SEC24A: variants seen among roughly 807,000 people sequenced by gnomAD.
The protein encoded by SEC24A is SEC24 homolog A, COPII component, also known as protein transport protein Sec24A.
SEC24A carries 93 observed loss-of-function variants against 129.4 expected under a neutral mutation model. The observed-to-expected ratio is 0.72, with a 90% CI of 0.61 to 0.85. The LOEUF is 0.85. Among genes scored for constraint, SEC24A ranks in the 40% least tolerant of loss-of-function variants. SEC24A has a pLI of 0.00. For missense variants in SEC24A, 1,264 were observed against 1,307.4 expected, an observed-to-expected ratio of 0.97 and a Z score of 0.51; for synonymous variants, 460 against 467.3, an observed-to-expected ratio of 0.98 and a Z score of 0.20.
At chr5:134,685,212 A>C (rs1225846491) in intron 9 of SEC24A, among the ~76,000 whole-genome samples, 5 of 152,026 alleles carry the variant, frequency 3.3e-5, no homozygotes, top group Non-Finnish European at 7.4e-5. Flanking sequence ...CTCTGCAAAA[A>C]ATTTCAGGAA....
rs531435987 is a variant in SEC24A, at chr5:134,667,680, A to C, written c.739+684A>C. Among the ~76,000 whole-genome samples the C allele has an allele frequency of 3.1e-3, 469 of 151,722 alleles. 4 individuals are homozygous for C. Among genetic ancestry groups the C allele is most frequent in the African/African-American group, 0.011 (444 of 41,402 alleles). ...AAAAAAAAAAAAAACAAAAAAAAAAAAACAAGATATATTTTGATTGCCACT... is the reference window on the plus strand; with the variant it reads ...AAAAAAAAAAAAAACAAAAAAAAAACAACAAGATATATTTTGATTGCCACT... On this transcript the variant is annotated intron_variant, in intron 3 of 22. Transcript: ENST00000398844.
intron 1 of SEC24A, among the ~76,000 whole-genome samples, chr5:134,659,367 T>C (rs944467059): frequency 2.6e-5 from 4 of 152,090 alleles, no homozygotes; most frequent in African/African-American, 7.2e-5. Context: ...CCACCGCGCC[T>C]GGCCTCACAG....
In SEC24A at chr5:134,704,052, TTTTATTTA is replaced by T. The variant is rs58595047; in HGVS notation, c.2440+146_2440+153del. On this transcript the variant is annotated intron_variant, in intron 16 of 22. Transcript: ENST00000398844. ...ATGTGTGCTAACTTAAAATTGCTGT[TTTTATTTA>T]TTTATTTATTTATTTATTTATTTAT... 1,052 of 381,060 alleles carry T rather than the reference TTTTATTTA, an allele frequency of 2.8e-3. 15 individuals carry two copies. The highest frequency in any genetic ancestry group is 0.019 in the African/African-American group (881 of 46,092). 23.6% of individuals were successfully genotyped at this position (381,060 alleles called of 1,614,324 possible). A position where few individuals can be genotyped will look rare whatever the true frequency, so the allele number is the denominator to read the frequency against.
intron 3 of SEC24A, among the ~76,000 whole-genome samples, chr5:134,668,453 C>T (rs897353757): frequency 1.3e-5 from 2 of 151,130 alleles, no homozygotes; most frequent in Non-Finnish European, 2.9e-5. Flanking sequence ...AGGCCAGGTG[C>T]GGTGGCTCAC....
At chr5:134,698,788 A>G (rs998684801) in intron 15 of SEC24A, among the ~76,000 whole-genome samples, 1 of 151,826 alleles carries the variant, frequency 6.6e-6, no homozygotes, top group African/African-American at 2.4e-5. Flanking sequence ...GCGTGCCACC[A>G]TGCCCGGCTA....
intron 16 of SEC24A, 21 bp downstream of exon 16, chr5:134,703,953 T>C (rs567022146): frequency 6.6e-7 from 1 of 1,517,974 alleles, no homozygotes; most frequent in Admixed American, 2.0e-5. Flanking sequence ...TGTTTTTTTT[T>C]GGATTTCAAA....
chr5:134,681,524 A>G (rs1751274847), intron 8 of SEC24A, among the ~76,000 whole-genome samples: 1 of 151,678 alleles, frequency 6.6e-6, no homozygotes, highest in African/African-American at 2.4e-5. Flanking sequence ...TTTCTCTTGC[A>G]CTGTAACAAT....
In SEC24A at chr5:134,676,098, G is replaced by A. The variant is rs1464823838; in HGVS notation, c.1227G>A (p.Leu409=). The change falls in exon 7 of 23, where the codon CTG becomes CTA. Residue 409 remains leucine (L), a synonymous_variant. Transcript: ENST00000398844. ...ATAAAGCCAAACTTCCTTTGGGGCT[G>A]CTGCTTCATCCTTTCAAAGACTTAG... is the stretch of plus-strand genomic sequence containing the variant. The part of the protein sequence containing the change: ...LLNKAKLPLG[L]LLHPFKDLVQ... 2.5e-6 allele frequency: 4 copies of A among 1,611,810 alleles called. No individual in the cohort carries two copies. Among genetic ancestry groups the A allele is most frequent in the Non-Finnish European group, 2.5e-6 (3 of 1,178,990 alleles).
At chr5:134,706,490 T>C (rs971650806) in intron 17 of SEC24A, among the ~76,000 whole-genome samples, 2 of 152,188 alleles carry the variant, frequency 1.3e-5, no homozygotes, top group Non-Finnish European at 2.9e-5. Context: ...AAGACTTCAG[T>C]CGGTCCATTT....
At chr5:134,697,275 C>A in intron 14 of SEC24A, 29 bp downstream of exon 14, 1 of 1,535,128 alleles carries the variant, frequency 6.5e-7, no homozygotes, top group Non-Finnish European at 8.9e-7. Context: ...TTTTTTTTTT[C>A]CGTTAAATGA....
chr5:134,723,252 G>GC (rs1752672210), intron 21 of SEC24A, among the ~76,000 whole-genome samples: 1 of 151,978 alleles, frequency 6.6e-6, no homozygotes, highest in South Asian at 2.1e-4. Flanking sequence ...TATCGCCTGA[G>GC]CCCAGGAGTT....
At chr5:134,672,629 CTAT>C (rs1410320440) in intron 4 of SEC24A, among the ~76,000 whole-genome samples, 3 of 151,928 alleles carry the variant, frequency 2.0e-5, no homozygotes, top group Non-Finnish European at 4.4e-5. Context: ...ACATCTGGCT[CTAT>C]TATTTAACAT....
intron 1 of SEC24A, among the ~76,000 whole-genome samples, chr5:134,655,368 A>T (rs998276330): frequency 2.0e-5 from 3 of 152,056 alleles, no homozygotes. Context: ...TAAGGCCACA[A>T]GGCTGGGCGT....
At chr5:134,656,778 C>CTTT (rs1278303639) in intron 1 of SEC24A, among the ~76,000 whole-genome samples, 3 of 132,480 alleles carry the variant, frequency 2.3e-5, no homozygotes, top group African/African-American at 2.7e-5. Context: ...CTGCATCCGA[C>CTTT]TTTTTTTTTT....
intron 1 of SEC24A, among the ~76,000 whole-genome samples, chr5:134,654,377 A>G (rs1056351398): frequency 6.6e-6 from 1 of 151,796 alleles, no homozygotes; most frequent in Non-Finnish European, 1.5e-5. Flanking sequence ...GTGCACCACC[A>G]TGCTCAGCTA....
At chr5:134,724,756 A>G (rs1382917849) in intron 22 of SEC24A, among the ~76,000 whole-genome samples, 1 of 152,224 alleles carries the variant, frequency 6.6e-6, no homozygotes, top group Admixed American at 6.5e-5. Context: ...ATATATATTC[A>G]GAAATGGAAT....
intron 1 of SEC24A, among the ~76,000 whole-genome samples, chr5:134,660,038 T>C (rs1750394457): frequency 6.6e-6 from 1 of 152,084 alleles, no homozygotes; most frequent in South Asian, 2.1e-4. Context: ...GTACCTGGCT[T>C]GAAGGCACCT....
At chr5:134,707,034 C>T (rs1025405220) in intron 17 of SEC24A, among the ~76,000 whole-genome samples, 8 of 152,022 alleles carry the variant, frequency 5.3e-5, no homozygotes, top group Non-Finnish European at 7.4e-5. Context: ...GACAGAGTCT[C>T]ACCATGTTGC....
At position 134,723,644 on chromosome 5, in the gene SEC24A, AT is replaced by A; in HGVS notation, c.3146del (p.Phe1049SerfsTer6). The A allele has an allele frequency of 6.2e-7, 1 of 1,606,154 alleles. No homozygotes were observed. Among genetic ancestry groups the A allele is most frequent in the Non-Finnish European group, 8.5e-7 (1 of 1,173,038 alleles). On this transcript the variant is annotated frameshift_variant, in exon 22 of 23. Coordinates refer to ENST00000398844, the MANE Select transcript of SEC24A (RefSeq NM_021982.3). LOFTEE classifies it high-confidence loss of function. ...FISWLREQRP[F>X]FPILYVIRDE... ...TCTCTTGGCTTAGAGAGCAGAGACCATTTTTCCCAATACTTTATGTAATAAG... is the reference window on the plus strand; with the variant it reads ...TCTCTTGGCTTAGAGAGCAGAGACCATTTTCCCAATACTTTATGTAATAAG...
Sources: gnomAD v4.1 joint callset for allele counts (sites outside exome capture counted in the v4.1 genomes callset) on GRCh38, gnomAD v4.1.1 for gene constraint, MANE v1.5 for transcripts, NCBI Gene and HGNC (gene_info 2026-07-23, HGNC 2026-07-21) for gene names.